KRABD5: variants seen among roughly 807,000 people sequenced by gnomAD.
KRABD5 encodes KRAB domain containing 5.
chr16:31,755,080 G>A, the KRABD5 span: 4 of 482,146 alleles, frequency 8.3e-6, no homozygotes, highest in South Asian at 1.5e-5. Flanking sequence ...CATTTAAAGT[G>A]TCTTCAGCCC....
chr16:31,732,917 T>A, the KRABD5 span, among the ~76,000 whole-genome samples: 1 of 152,194 alleles, frequency 6.6e-6, no homozygotes, highest in Admixed American at 6.5e-5. Flanking sequence ...TAAAGCATTA[T>A]TTTTTAATAG....
the KRABD5 span, among the ~76,000 whole-genome samples, chr16:31,728,758 A>G: frequency 6.6e-6 from 1 of 152,198 alleles, no homozygotes; most frequent in Non-Finnish European, 1.5e-5. Flanking sequence ...TATTCTTAGA[A>G]GACTGTATTC....
At chr16:31,746,068 C>T in the KRABD5 span, among the ~76,000 whole-genome samples, 1 of 152,042 alleles carries the variant, frequency 6.6e-6, no homozygotes, top group Non-Finnish European at 1.5e-5. Flanking sequence ...GACTCTTTAT[C>T]CAATTTGCAA....
At chr16:31,755,708 G>T in the KRABD5 span, 3 of 401,666 alleles carry the variant, frequency 7.5e-6, no homozygotes, top group Non-Finnish European at 1.5e-5. Context: ...TCATACTAGA[G>T]AATTTCTATA....
At chr16:31,723,180 C>T in the KRABD5 span, 4 of 1,450,824 alleles carry the variant, frequency 2.8e-6, no homozygotes, top group African/African-American at 1.4e-5. Context: ...ATAATGTTCC[C>T]TCTTTACTGA....
At chr16:31,739,136 A>G in the KRABD5 span, among the ~76,000 whole-genome samples, 1 of 152,192 alleles carries the variant, frequency 6.6e-6, no homozygotes, top group Non-Finnish European at 1.5e-5. Flanking sequence ...TACTGTTACC[A>G]GAACACTTTA....
the KRABD5 span, chr16:31,759,158 A>G: frequency 4.1e-6 from 2 of 484,614 alleles, no homozygotes; most frequent in Middle Eastern, 5.7e-4. Context: ...TGTATCTTTT[A>G]GTCATAATAG....
chr16:31,735,263 A>G, the KRABD5 span, among the ~76,000 whole-genome samples: 2 of 152,228 alleles, frequency 1.3e-5, no homozygotes, highest in South Asian at 2.1e-4. Context: ...TAATGGCTGA[A>G]TAGTAATTCA....
At chr16:31,713,254 G>A in the KRABD5 span, 10 of 740,330 alleles carry the variant, frequency 1.4e-5, no homozygotes, top group East Asian at 3.1e-4. Context: ...GGGATTTGGC[G>A]GTGGCCTTTG....
the KRABD5 span, chr16:31,754,492 C>A: frequency 2.2e-5 from 14 of 633,560 alleles, no homozygotes; most frequent in Middle Eastern, 2.5e-4. Context: ...CAACATTAAG[C>A]CAAGGCATAA....
the KRABD5 span, chr16:31,733,756 T>C: frequency 2.6e-6 from 1 of 388,894 alleles, no homozygotes; most frequent in South Asian, 1.9e-5. Context: ...TAATGTTCTG[T>C]TGTGTATGTG....
At chr16:31,740,050 A>G in the KRABD5 span, among the ~76,000 whole-genome samples, 1 of 152,196 alleles carries the variant, frequency 6.6e-6, no homozygotes, top group African/African-American at 2.4e-5. Flanking sequence ...AACAATGCTT[A>G]TCACTGGCTT....
the KRABD5 span, among the ~76,000 whole-genome samples, chr16:31,752,511 T>C: frequency 6.6e-6 from 1 of 152,232 alleles, no homozygotes. Context: ...TTGAACCCTT[T>C]ATCATTATGG....
the KRABD5 span, among the ~76,000 whole-genome samples, chr16:31,733,124 A>C: frequency 5.3e-5 from 8 of 152,220 alleles, no homozygotes; most frequent in African/African-American, 1.7e-4. Flanking sequence ...TGATGTTTAG[A>C]TATGAATTAG....
At chr16:31,732,184 C>G in the KRABD5 span, among the ~76,000 whole-genome samples, 2 of 152,182 alleles carry the variant, frequency 1.3e-5, no homozygotes, top group Non-Finnish European at 2.9e-5. Flanking sequence ...TCAAATTGTC[C>G]TCCTTGATCT....
chr16:31,734,669 A>G, the KRABD5 span, among the ~76,000 whole-genome samples: 23 of 151,074 alleles, frequency 1.5e-4, no homozygotes, highest in Non-Finnish European at 3.1e-4. Flanking sequence ...CTGTTAACCA[A>G]CCTCTTTCTA....
chr16:31,755,711 T>G, the KRABD5 span: 2 of 398,824 alleles, frequency 5.0e-6, no homozygotes, highest in African/African-American at 4.2e-5. Flanking sequence ...TACTAGAGAA[T>G]TTCTATAGTT....
chr16:31,747,830 TG>T, the KRABD5 span, among the ~76,000 whole-genome samples: 1 of 152,222 alleles, frequency 6.6e-6, no homozygotes, highest in Non-Finnish European at 1.5e-5. Flanking sequence ...CACTTTTTGA[TG>T]GGGTTGTTTG....
the KRABD5 span, among the ~76,000 whole-genome samples, chr16:31,746,259 T>G: frequency 6.6e-6 from 1 of 152,178 alleles, no homozygotes; most frequent in Non-Finnish European, 1.5e-5. Context: ...GTACCAGTTT[T>G]TCCTTTCCAT....
Sources: allele counts gnomAD v4.1 joint callset (sites outside exome capture counted in the v4.1 genomes callset), GRCh38; gene constraint gnomAD v4.1.1; transcripts MANE v1.5; gene names NCBI Gene and HGNC (gene_info 2026-07-23, HGNC 2026-07-21).